The following GSTCD variants were observed in gnomAD, a reference collection of about 807,000 sequenced individuals.
The protein encoded by GSTCD is glutathione S-transferase C-terminal domain containing.
A neutral mutation model predicts 68.3 loss-of-function variants in GSTCD; 44 were observed. The ratio of observed to expected loss-of-function variants is 0.64; its 90% CI spans 0.51 to 0.83. The LOEUF is 0.83. Among genes scored for constraint, GSTCD ranks in the 40% least tolerant of loss-of-function variants. The pLI is 0.00. For synonymous variants in GSTCD, 273 were observed against 255.2 expected (o/e 1.07, Z -0.67); for missense variants, 739 against 735.9 (o/e 1.00, Z -0.05).
intron 5 of GSTCD, among the ~76,000 whole-genome samples, chr4:105,735,807 A>G (rs1042025859): frequency 7.9e-5 from 12 of 152,018 alleles, no homozygotes; most frequent in Non-Finnish European, 1.8e-4. Flanking sequence ...AGCTGTTCCT[A>G]TTCGGCCATC....
At chr4:105,789,502 G>A (rs774986623) in intron 5 of GSTCD, among the ~76,000 whole-genome samples, 2 of 151,934 alleles carry the variant, frequency 1.3e-5, no homozygotes. Context: ...CTGTTGGAAT[G>A]AGGGTCTCAG....
intron 10 of GSTCD, among the ~76,000 whole-genome samples, chr4:105,839,369 C>T (rs1724247131): frequency 6.6e-6 from 1 of 152,220 alleles, no homozygotes; most frequent in Non-Finnish European, 1.5e-5. Flanking sequence ...GGTGCAGTGG[C>T]TCACGCCTGT....
intron 11 of GSTCD, among the ~76,000 whole-genome samples, chr4:105,843,127 T>C (rs1206452914): frequency 6.6e-6 from 1 of 152,192 alleles, no homozygotes; most frequent in Non-Finnish European, 1.5e-5. Context: ...TAGCTTACAT[T>C]CAGAGACCAA....
intron 5 of GSTCD, among the ~76,000 whole-genome samples, chr4:105,780,059 T>C (rs967529335): frequency 6.6e-6 from 1 of 152,240 alleles, no homozygotes; most frequent in African/African-American, 2.4e-5. Context: ...TGTTTCATAT[T>C]GCTCCTTGCC....
chr4:105,738,585 A>G (rs1264385598), intron 5 of GSTCD, among the ~76,000 whole-genome samples: 1 of 152,000 alleles, frequency 6.6e-6, no homozygotes, highest in Admixed American at 6.6e-5. Context: ...TTTTTCTCTA[A>G]AAGTCTTTCA....
At chr4:105,750,185 C>T (rs535618822) in intron 5 of GSTCD, among the ~76,000 whole-genome samples, 20 of 152,226 alleles carry the variant, frequency 1.3e-4, no homozygotes, top group South Asian at 4.1e-4. Context: ...ACACTGAGGC[C>T]GGGCGTGGTG....
intron 5 of GSTCD, among the ~76,000 whole-genome samples, chr4:105,750,990 C>T (rs1241616458): frequency 1.3e-5 from 2 of 152,104 alleles, no homozygotes; most frequent in Non-Finnish European, 2.9e-5. Context: ...TCAAGAATGG[C>T]AGTAGCAAAG....
chr4:105,719,358 C>T lies in GSTCD; in HGVS notation c.725C>T (p.Ala242Val), dbSNP rs1560792659. ...TCCAAGAGTCTGGAACTGAAAGTGG[C>T]ATTCTCAAAGCTCACAGTACAGGAA... ...SSSKSLELKV[A>V]FSKLTVQEEP... The change falls in exon 3 of 12, where the codon GCA (alanine) becomes GTA (valine). Residue 242 changes from alanine (A) to valine (V), a missense_variant. Transcript: ENST00000515279. 1 of 1,614,114 alleles carries T rather than the reference C, an allele frequency of 6.2e-7. No individual in the cohort carries two copies. Among genetic ancestry groups the T allele is most frequent in the East Asian group, 2.2e-5 (1 of 44,882 alleles).
At chr4:105,794,433 G>T (rs747342569) in intron 5 of GSTCD, among the ~76,000 whole-genome samples, 31 of 151,960 alleles carry the variant, frequency 2.0e-4, no homozygotes, top group Admixed American at 6.6e-4. Flanking sequence ...GTCAATGTAG[G>T]TTCATCACTA....
At chr4:105,840,190 C>T in intron 10 of GSTCD, 1 of 455,668 alleles carries the variant, frequency 2.2e-6, no homozygotes. Context: ...CTGAATCTTA[C>T]CTGAGATTGC....
intron 8 of GSTCD, 124 bp downstream of exon 8, chr4:105,825,924 T>C (rs1450189612): frequency 2.0e-6 from 1 of 501,056 alleles, no homozygotes; most frequent in South Asian, 2.5e-5. Context: ...TGTATACTTA[T>C]ATTATCTATG....
chr4:105,763,422 T>G (rs1011140013), intron 5 of GSTCD, among the ~76,000 whole-genome samples: 3 of 152,172 alleles, frequency 2.0e-5, no homozygotes, highest in Non-Finnish European at 4.4e-5. Context: ...CCCAATGATA[T>G]ATGAACTGCT....
At chr4:105,837,919 TA>T in intron 10 of GSTCD, 30 bp downstream of exon 10, 1 of 902,738 alleles carries the variant, frequency 1.1e-6, no homozygotes. Flanking sequence ...GATATCATCC[TA>T]ATACACTTTT....
At chr4:105,811,973 TG>T (rs1199764732) in intron 5 of GSTCD, among the ~76,000 whole-genome samples, 2 of 152,194 alleles carry the variant, frequency 1.3e-5, no homozygotes, top group East Asian at 3.9e-4. Flanking sequence ...TGGACATGTT[TG>T]GCTTGAAGTC....
At chr4:105,807,039 A>G (rs1722541664) in intron 5 of GSTCD, 2 of 152,104 alleles carry the variant, frequency 1.3e-5, no homozygotes, top group Non-Finnish European at 1.5e-5. Flanking sequence ...CTCCTTAGAT[A>G]TTCATGACTT....
At chr4:105,790,455 A>G (rs1035907104) in intron 5 of GSTCD, among the ~76,000 whole-genome samples, 1 of 152,118 alleles carries the variant, frequency 6.6e-6, no homozygotes, top group Non-Finnish European at 1.5e-5. Flanking sequence ...CCTAGGCAAC[A>G]TAGTAAGATT....
chr4:105,840,229 A>G lies in GSTCD; in HGVS notation c.1696-1836A>G, dbSNP rs1263477571. ...TGCCTTGACATTACCATTATATAAA[A>G]TGAATCTTAATTTACAAACACCATG... On this transcript the variant is annotated intron_variant, in intron 10 of 11. Transcript: ENST00000515279. 3 of 455,236 alleles carry G rather than the reference A, an allele frequency of 6.6e-6. No individual in the cohort carries two copies. In the East Asian group the frequency reaches 2.1e-4, roughly 32 times the overall value. 28.2% of individuals were successfully genotyped at this position (455,236 alleles called of 1,614,324 possible).
chr4:105,760,576 G>A (rs939961247), intron 5 of GSTCD, among the ~76,000 whole-genome samples: 1 of 152,166 alleles, frequency 6.6e-6, no homozygotes, highest in African/African-American at 2.4e-5. Context: ...GAGGGGGATT[G>A]ATCCTTGGTT....
chr4:105,790,033 G>A (rs1044136600), intron 5 of GSTCD, among the ~76,000 whole-genome samples: 4 of 151,928 alleles, frequency 2.6e-5, no homozygotes, highest in African/African-American at 9.7e-5. Flanking sequence ...TATTGCAGTA[G>A]GGGAAAGATG....
Sources: allele counts gnomAD v4.1 joint callset (sites outside exome capture counted in the v4.1 genomes callset), GRCh38; gene constraint gnomAD v4.1.1; transcripts MANE v1.5; gene names NCBI Gene and HGNC (gene_info 2026-07-23, HGNC 2026-07-21).